The following SPAG16 variants were observed in gnomAD, a reference collection of about 807,000 sequenced individuals.
The protein encoded by SPAG16 is sperm-associated antigen 16 protein.
SPAG16 carries 86 observed loss-of-function variants against 80.4 expected under a neutral mutation model. The ratio of observed to expected loss-of-function variants is 1.07; its 90% CI spans 0.90 to 1.28. The LOEUF is 1.28. SPAG16 is among the 50% of genes most tolerant of loss of function. The pLI is 0.00. For synonymous variants in SPAG16, 294 were observed against 265.9 expected (o/e 1.11, Z -1.03); for missense variants, 870 against 765.3 (o/e 1.14, Z -1.61).
intron 9 of SPAG16, among the ~76,000 whole-genome samples, chr2:213,489,214 G>T (rs889613518): frequency 2.0e-5 from 3 of 152,042 alleles, no homozygotes; most frequent in Non-Finnish European, 2.9e-5. Flanking sequence ...AGCTGTAAGG[G>T]GATTCATAAC....
chr2:213,622,433 T>A (rs1270003144), intron 10 of SPAG16, among the ~76,000 whole-genome samples: 2 of 152,332 alleles, frequency 1.3e-5, no homozygotes, highest in Non-Finnish European at 2.9e-5. Context: ...TCCTGCTGTA[T>A]AAACTCCTAG....
chr2:214,248,168 A>G (rs1689984663), intron 15 of SPAG16, among the ~76,000 whole-genome samples: 2 of 151,930 alleles, frequency 1.3e-5, no homozygotes, highest in African/African-American at 2.4e-5. Context: ...AACATAAAGA[A>G]ACATAAAAAT....
intron 11 of SPAG16, among the ~76,000 whole-genome samples, chr2:213,915,879 G>A (rs556002379): frequency 3.9e-5 from 6 of 152,098 alleles, no homozygotes; most frequent in African/African-American, 7.2e-5. Context: ...CAGTGATGAC[G>A]AGCTTTTTTT....
chr2:214,187,671 A>G (rs2057521837), intron 15 of SPAG16, among the ~76,000 whole-genome samples: 1 of 146,454 alleles, frequency 6.8e-6, no homozygotes, highest in Non-Finnish European at 1.6e-5. Flanking sequence ...CATGTAAACA[A>G]TAATGTCTGC....
Position 213,697,830 on chromosome 2 carries a change from A to G in SPAG16, c.1071-164655A>G, listed in dbSNP as rs191749802. Among the ~76,000 whole-genome samples the G allele has an allele frequency of 5.9e-5, 9 of 152,316 alleles. 1 individual carries two copies. The highest frequency in any genetic ancestry group is 1.7e-4 in the African/African-American group (7 of 41,562). ...CTTAAGAGTTTCCTTTTAAAAAACA[A>G]CATTAATAAACAAAAAACCACAGAA... is the stretch of plus-strand genomic sequence containing the variant. On this transcript the variant is annotated intron_variant, in intron 10 of 15. Transcript: ENST00000331683.
chr2:214,082,325 A>T (rs944263602), intron 13 of SPAG16, among the ~76,000 whole-genome samples: 9 of 152,120 alleles, frequency 5.9e-5, no homozygotes, highest in Non-Finnish European at 1.2e-4. Context: ...ATCTTCTTTC[A>T]TTAAATAAAA....
At chr2:213,883,561 C>T (rs1224622833) in intron 11 of SPAG16, among the ~76,000 whole-genome samples, 1 of 152,104 alleles carries the variant, frequency 6.6e-6, no homozygotes, top group African/African-American at 2.4e-5. Context: ...GCCAGAGTTC[C>T]TTTGTTAGTA....
chr2:213,806,563 C>T (rs892442264), intron 10 of SPAG16, among the ~76,000 whole-genome samples: 30 of 152,064 alleles, frequency 2.0e-4, no homozygotes, highest in African/African-American at 6.7e-4. Context: ...AAGGAATTCC[C>T]ACTGATATGT....
intron 10 of SPAG16, among the ~76,000 whole-genome samples, chr2:213,825,679 A>G (rs2073234392): frequency 7.5e-6 from 1 of 132,942 alleles, no homozygotes; most frequent in African/African-American, 2.9e-5. Context: ...ATTAGCCTGT[A>G]GTTTTCTTTC....
At chr2:213,509,826 A>G (rs1314318383) in intron 10 of SPAG16, among the ~76,000 whole-genome samples, 1 of 152,234 alleles carries the variant, frequency 6.6e-6, no homozygotes, top group East Asian at 1.9e-4. Flanking sequence ...TCAGAGCAGA[A>G]CTGAAGGAAA....
chr2:213,495,242 T>C (rs961283922), intron 10 of SPAG16, among the ~76,000 whole-genome samples: 8 of 152,228 alleles, frequency 5.3e-5, no homozygotes, highest in African/African-American at 1.9e-4. Flanking sequence ...AGGCAGTGCA[T>C]ATCACTTCCA....
chr2:213,642,397 T>G (rs907696277), intron 10 of SPAG16, among the ~76,000 whole-genome samples: 1 of 152,112 alleles, frequency 6.6e-6, no homozygotes, highest in Non-Finnish European at 1.5e-5. Context: ...GTATTTCTTA[T>G]AGGACAGGTG....
intron 11 of SPAG16, among the ~76,000 whole-genome samples, chr2:213,864,073 A>T (rs2075590538): frequency 6.6e-6 from 1 of 152,164 alleles, no homozygotes; most frequent in African/African-American, 2.4e-5. Flanking sequence ...AAAAGAAAAA[A>T]TGATCATTAG....
At chr2:214,065,448 A>T (rs375783571) in intron 13 of SPAG16, among the ~76,000 whole-genome samples, 1 of 152,178 alleles carries the variant, frequency 6.6e-6, no homozygotes, top group Admixed American at 6.6e-5. Flanking sequence ...CTCATCTAAT[A>T]TTCTAAATCT....
intron 10 of SPAG16, among the ~76,000 whole-genome samples, chr2:213,769,125 T>G (rs1474446831): frequency 5.3e-5 from 8 of 152,206 alleles, no homozygotes; most frequent in Non-Finnish European, 1.2e-4. Flanking sequence ...CAAGAGCACT[T>G]TCACTAACAT....
intron 10 of SPAG16, among the ~76,000 whole-genome samples, chr2:213,522,695 C>G (rs2075724550): frequency 6.6e-6 from 1 of 151,986 alleles, no homozygotes; most frequent in South Asian, 2.1e-4. Flanking sequence ...GTCTGGGCAG[C>G]ACATCTTTGT....
intron 10 of SPAG16, among the ~76,000 whole-genome samples, chr2:213,818,298 G>A (rs1387448420): frequency 1.3e-5 from 2 of 152,158 alleles, no homozygotes; most frequent in South Asian, 4.1e-4. Context: ...ATTGTTCACA[G>A]TAAAGTTCCA....
At chr2:214,042,659 G>C (rs1216708426) in intron 13 of SPAG16, among the ~76,000 whole-genome samples, 1 of 152,092 alleles carries the variant, frequency 6.6e-6, no homozygotes, top group Non-Finnish European at 1.5e-5. Flanking sequence ...AACATACTAA[G>C]TGAATGATGT....
chr2:213,814,872 A>AATATATATATATAT lies in SPAG16; in HGVS notation c.1071-47608_1071-47595dup, dbSNP rs34269015. On this transcript the variant is annotated intron_variant, in intron 10 of 15. Coordinates refer to ENST00000331683, the MANE Select transcript of SPAG16 (RefSeq NM_024532.5). ...TTTTCAAGAGAACATAACAGCCTTAAATATATATATATATATATCCATAGC... is the reference window on the plus strand; with the variant it reads ...TTTTCAAGAGAACATAACAGCCTTAAATATATATATATATATATATATATATATATATCCATAGC... 7.8e-4 allele frequency among the ~76,000 whole-genome samples: 115 copies of AATATATATATATAT among 148,260 alleles called. 1 individual carries two copies. The highest frequency in any genetic ancestry group is 2.6e-3 in the African/African-American group (106 of 40,338).
Sources: allele counts gnomAD v4.1 joint callset (sites outside exome capture counted in the v4.1 genomes callset), GRCh38; gene constraint gnomAD v4.1.1; transcripts MANE v1.5; gene names NCBI Gene and HGNC (gene_info 2026-07-23, HGNC 2026-07-21).